The following ANK3 variants were observed in gnomAD, a reference collection of about 807,000 sequenced individuals.
The protein encoded by ANK3 is ankyrin 3.
In ANK3, 57 loss-of-function variants were observed where a neutral mutation model predicts 370.9. The observed-to-expected ratio is 0.15, with a 90% confidence interval of 0.12 to 0.19. ANK3 has a LOEUF of 0.19. Among genes scored for constraint, ANK3 ranks in the 10% least tolerant of loss-of-function variants. The probability of loss-of-function intolerance (pLI) is 1.00; values close to 1 mark genes in which losing one functional copy is unlikely to be tolerated. For missense variants in ANK3, 4,439 were observed against 5,302.1 expected (o/e 0.84, Z 5.06); for synonymous variants, 1,929 against 1,946.3 (o/e 0.99, Z 0.23).
chr10:60,713,247 T>C (rs988010739), intron 1 of ANK3, among the ~76,000 whole-genome samples: 1 of 152,058 alleles, frequency 6.6e-6, no homozygotes, highest in South Asian at 2.1e-4. Flanking sequence ...ATAGAAATCA[T>C]ACAAAGTATG....
chr10:60,191,394 A>T (rs2096477647), intron 16 of ANK3, among the ~76,000 whole-genome samples: 3 of 152,310 alleles, frequency 2.0e-5, no homozygotes, highest in Admixed American at 1.3e-4. Flanking sequence ...AGAAAAAAAA[A>T]AATCCATTAA....
intron 1 of ANK3, among the ~76,000 whole-genome samples, chr10:60,337,862 A>G (rs1203130125): frequency 1.3e-5 from 2 of 152,222 alleles, no homozygotes; most frequent in African/African-American, 4.8e-5. Context: ...GGAGTACCAT[A>G]TTAGGAAAAA....
intron 1 of ANK3, among the ~76,000 whole-genome samples, chr10:60,385,139 G>A (rs1402732425): frequency 1.3e-5 from 2 of 152,106 alleles, no homozygotes; most frequent in African/African-American, 4.8e-5. Flanking sequence ...AACTATGCAA[G>A]ATGGCATATG....
rs1564770469 is a variant in ANK3, at chr10:60,071,009, T to C, written c.9872A>G (p.Asp3291Gly). Residue 3291 changes from aspartate (D) to glycine (G), a missense_variant, in exon 37 of 44, where the codon GAC becomes GGC. By Grantham distance (94) the Asp-to-Gly change is moderately conservative. Around this residue, in one of 13 missense-constraint regions of ANK3, gnomAD observed 1,601 missense variants for 1,731.7 expected, o/e 0.92. Coordinates refer to ENST00000280772, the MANE Select transcript of ANK3 (RefSeq NM_020987.5). ...MIEVNLQDEH[D>G]KYQLAEPVIR... The stretch of plus-strand genomic sequence containing the variant: ...GACAGGTTCAGCCAGCTGGTACTTG[T>C]CATGCTCATCTTGCAGATTGACTTC... The C allele has an allele frequency of 1.2e-6, 2 of 1,614,144 alleles. No individual in the cohort carries two copies. The highest frequency in any genetic ancestry group is 8.5e-7 in the Non-Finnish European group (1 of 1,180,014).
intron 1 of ANK3, among the ~76,000 whole-genome samples, chr10:60,319,005 C>T (rs1209901052): frequency 1.3e-5 from 2 of 152,184 alleles, no homozygotes. Flanking sequence ...CACTAATCAG[C>T]AGCGCCTTGC....
chr10:60,139,141 G>T, intron 23 of ANK3, 54 bp from the exon 24 acceptor site: 12 of 1,589,004 alleles, frequency 7.6e-6, no homozygotes, highest in Non-Finnish European at 1.0e-5. Context: ...GAAAGTGTCA[G>T]CTGTGGAGAA....
At chr10:60,162,691 CAG>C (rs1409570163) in intron 23 of ANK3, among the ~76,000 whole-genome samples, 1 of 152,034 alleles carries the variant, frequency 6.6e-6, no homozygotes, top group African/African-American at 2.4e-5. Flanking sequence ...GCATTTGATT[CAG>C]AGAGATATTT....
chr10:60,653,694 C>T (rs1005192780), intron 1 of ANK3, among the ~76,000 whole-genome samples: 1 of 152,180 alleles, frequency 6.6e-6, no homozygotes, highest in African/African-American at 2.4e-5. Context: ...ACAATGAAAC[C>T]CCATCTCTAC....
At chr10:60,197,016 T>C (rs1458385356) in intron 14 of ANK3, among the ~76,000 whole-genome samples, 5 of 152,142 alleles carry the variant, frequency 3.3e-5, no homozygotes, top group Non-Finnish European at 5.9e-5. Flanking sequence ...GAATAAGTTA[T>C]AGGGTCCCAG....
intron 21 of ANK3, among the ~76,000 whole-genome samples, chr10:60,167,831 C>G (rs1006667029): frequency 2.0e-5 from 3 of 151,968 alleles, no homozygotes; most frequent in African/African-American, 7.3e-5. Context: ...GATTTCTACC[C>G]CTATCCCCAA....
At chr10:60,487,413 A>G (rs1032743138) in intron 2 of ANK3, among the ~76,000 whole-genome samples, 12 of 152,236 alleles carry the variant, frequency 7.9e-5, no homozygotes, top group African/African-American at 2.2e-4. Flanking sequence ...GAGTTTCCTA[A>G]TAGCCTGAAA....
chr10:60,364,080 G>T (rs952936441), intron 1 of ANK3, among the ~76,000 whole-genome samples: 7 of 150,676 alleles, frequency 4.6e-5, no homozygotes, highest in African/African-American at 1.7e-4. Flanking sequence ...GATCACTGAA[G>T]GTCAGGAGTT....
intron 2 of ANK3, among the ~76,000 whole-genome samples, chr10:60,567,883 G>A (rs180786382): frequency 1.1e-4 from 17 of 152,242 alleles, no homozygotes; most frequent in Non-Finnish European, 2.4e-4. Flanking sequence ...CAGATGTGGT[G>A]GAAATAGCAA....
chr10:60,272,372 CT>C (rs2132678740), intron 4 of ANK3, among the ~76,000 whole-genome samples: 1 of 152,266 alleles, frequency 6.6e-6, no homozygotes, highest in South Asian at 2.1e-4. Context: ...AAACTAGGTA[CT>C]AAGCATCTAT....
chr10:60,080,474 A>G lies in ANK3; in HGVS notation c.4432+63T>C, dbSNP rs750914096. On this transcript the variant is annotated intron_variant, in intron 36 of 43. Transcript: ENST00000280772. ...TTCCAAATGATAAAATTTGGTTTGTATAGAAAAAATGTCTCTTCTTATGAA... is the reference window on the plus strand; with the variant it reads ...TTCCAAATGATAAAATTTGGTTTGTGTAGAAAAAATGTCTCTTCTTATGAA... The G allele has an allele frequency of 4.1e-6, 6 of 1,447,852 alleles. No individual in the cohort carries two copies. The African/African-American group carries it at 8.5e-5, about 20-fold the overall frequency. 89.7% of individuals were successfully genotyped at this position (1,447,852 alleles called of 1,614,324 possible).
Position 60,627,875 on chromosome 10 carries a change from C to T in ANK3, c.58-12651G>A, listed in dbSNP as rs569044524. 2.6e-5 allele frequency among the ~76,000 whole-genome samples: 4 copies of T among 152,146 alleles called. No homozygotes were observed. In the South Asian group the frequency reaches 6.2e-4, roughly 24 times the overall value. On this transcript the variant is annotated intron_variant, in intron 1 of 43. Transcript: ENST00000373827. Reference sequence around the variant, plus strand: ...CACTAGTGTTGTTATCTTCATTATACGAATAAGGAAACTGAGCCCTGGAGA... The same window carrying T: ...CACTAGTGTTGTTATCTTCATTATATGAATAAGGAAACTGAGCCCTGGAGA...
intron 1 of ANK3, among the ~76,000 whole-genome samples, chr10:60,385,564 T>C (rs986911691): frequency 6.6e-6 from 1 of 152,176 alleles, no homozygotes; most frequent in South Asian, 2.1e-4. Flanking sequence ...GTTTACTGAA[T>C]GAATACATGA....
intron 21 of ANK3, among the ~76,000 whole-genome samples, chr10:60,171,329 A>C (rs992432097): frequency 4.6e-5 from 7 of 152,218 alleles, no homozygotes; most frequent in African/African-American, 1.7e-4. Context: ...AAAGACTAAG[A>C]ATTATACATT....
chr10:60,447,430 A>G (rs1303170966), intron 2 of ANK3, among the ~76,000 whole-genome samples: 1 of 152,148 alleles, frequency 6.6e-6, no homozygotes, highest in African/African-American at 2.4e-5. Context: ...ATTGAAGGAC[A>G]CTAAAGTTTT....
Sources: gnomAD v4.1 joint callset for allele counts (sites outside exome capture counted in the v4.1 genomes callset) on GRCh38, gnomAD v4.1.1 for gene constraint, gnomAD v4.1.1 regional missense constraint, MANE v1.5 for transcripts, NCBI Gene and HGNC (gene_info 2026-07-23, HGNC 2026-07-21) for gene names.